Variants in ABHD12 observed in about 807,000 individuals in gnomAD.
ABHD12 encodes the protein lysophosphatidylserine lipase ABHD12.
ABHD12 carries 43 observed loss-of-function variants against 58.3 expected under a neutral mutation model. That is an observed-to-expected ratio of 0.74 (90% CI 0.58 to 0.95). The LOEUF (loss-of-function observed/expected upper bound fraction) is 0.95, where lower values mean the gene tolerates loss of function less well. Ranked by LOEUF, ABHD12 falls within the 40% of genes least tolerant of loss-of-function variation. The pLI is 0.00. For missense variants in ABHD12, 539 were observed against 537.2 expected, an observed-to-expected ratio of 1.00 and a Z score of -0.03; for synonymous variants, 219 against 211.2, an observed-to-expected ratio of 1.04 and a Z score of -0.32.
chr20:25,322,381 A>ATATATATATATGGATATTTTTTTTT, intron 3 of ABHD12, among the ~76,000 whole-genome samples: 1 of 59,284 alleles, frequency 1.7e-5, no homozygotes, highest in South Asian at 5.7e-4. Flanking sequence ...ATATATATAT[A>ATATATATATATGGATATTTTTTTTT]TTTTTTTTTT....
chr20:25,295,739 T>C, downstream of ABHD12: 1 of 1,486,348 alleles, frequency 6.7e-7, no homozygotes, highest in Non-Finnish European at 9.4e-7. Flanking sequence ...TGGGTCAGAT[T>C]GTTTATTTCC....
At chr20:25,371,596 G>A (rs1453864329) in intron 1 of ABHD12, among the ~76,000 whole-genome samples, 5 of 152,108 alleles carry the variant, frequency 3.3e-5, no homozygotes, top group African/African-American at 4.8e-5. Context: ...TAATATTGCC[G>A]GGTTTTTATT....
At chr20:25,356,684 G>A (rs1241194578) in intron 1 of ABHD12, among the ~76,000 whole-genome samples, 1 of 152,230 alleles carries the variant, frequency 6.6e-6, no homozygotes, top group Non-Finnish European at 1.5e-5. Flanking sequence ...GGAGCACCAG[G>A]AGCACTGTGG....
intron 3 of ABHD12, among the ~76,000 whole-genome samples, chr20:25,322,396 T>TTTTTTTTTTTA (rs2089093699): frequency 3.2e-5 from 4 of 123,188 alleles, no homozygotes; most frequent in Non-Finnish European, 7.0e-5. Flanking sequence ...TTTTTTTTTT[T>TTTTTTTTTTTA]GAGACAAGAG....
chr20:25,366,491 C>T (rs530043294), intron 1 of ABHD12, among the ~76,000 whole-genome samples: 1 of 152,222 alleles, frequency 6.6e-6, no homozygotes, highest in Admixed American at 6.5e-5. Context: ...GTCTCGAACT[C>T]CCGACCTCAG....
chr20:25,354,538 T>C (rs1386205464), intron 1 of ABHD12, among the ~76,000 whole-genome samples: 1 of 152,204 alleles, frequency 6.6e-6, no homozygotes, highest in Admixed American at 6.5e-5. Context: ...GTGTTACAGA[T>C]GAAAAGCTGA....
At chr20:25,339,853 T>C (rs2089432083) in intron 1 of ABHD12, 2 of 983,808 alleles carry the variant, frequency 2.0e-6, no homozygotes, top group Admixed American at 3.8e-5. Flanking sequence ...AGCAGGAGGC[T>C]AAGAACTGGC....
At chr20:25,358,215 G>C (rs1194869496) in intron 1 of ABHD12, among the ~76,000 whole-genome samples, 1 of 152,146 alleles carries the variant, frequency 6.6e-6, no homozygotes, top group African/African-American at 2.4e-5. Flanking sequence ...AGGAACAAAA[G>C]TTAGACATAT....
intron 1 of ABHD12, chr20:25,339,622 C>T: frequency 7.0e-7 from 1 of 1,436,696 alleles, no homozygotes; most frequent in South Asian, 1.1e-5. Context: ...TTACACTCAC[C>T]CTTGCAGAAG....
At chr20:25,367,620 C>T (rs936761720) in intron 1 of ABHD12, among the ~76,000 whole-genome samples, 3 of 152,240 alleles carry the variant, frequency 2.0e-5, no homozygotes, top group Admixed American at 1.3e-4. Flanking sequence ...CTTTCTGCTA[C>T]TAGTACCTTG....
intron 1 of ABHD12, among the ~76,000 whole-genome samples, chr20:25,347,196 T>A (rs188730744): frequency 4.7e-4 from 72 of 152,304 alleles, no homozygotes; most frequent in African/African-American, 1.5e-3. Context: ...TATATCATTA[T>A]TTTTACCAGA....
At chr20:25,322,403 A>T (rs2089094150) in intron 3 of ABHD12, among the ~76,000 whole-genome samples, 3 of 86,892 alleles carry the variant, frequency 3.5e-5, no homozygotes, top group Non-Finnish European at 6.5e-5. Context: ...TTTTGAGACA[A>T]GAGTCTCGCT....
intron 1 of ABHD12, among the ~76,000 whole-genome samples, chr20:25,361,587 T>C (rs2089748615): frequency 1.3e-5 from 2 of 151,896 alleles, no homozygotes; most frequent in Admixed American, 6.5e-5. Flanking sequence ...GTTTATCCTG[T>C]TCCATCTTTC....
At chr20:25,377,654 A>G (rs1373991885) in intron 1 of ABHD12, among the ~76,000 whole-genome samples, 1 of 152,144 alleles carries the variant, frequency 6.6e-6, no homozygotes, top group Non-Finnish European at 1.5e-5. Flanking sequence ...ATGAGAGCAA[A>G]GCCCTCATGA....
chr20:25,386,898 A>T (rs1311146670), intron 1 of ABHD12, among the ~76,000 whole-genome samples: 1 of 152,166 alleles, frequency 6.6e-6, no homozygotes, highest in Non-Finnish European at 1.5e-5. Flanking sequence ...AAAAATAAAA[A>T]ATAAATGAAT....
intron 2 of ABHD12, among the ~76,000 whole-genome samples, chr20:25,333,984 A>T (rs1460863260): frequency 6.6e-6 from 1 of 152,214 alleles, no homozygotes; most frequent in Non-Finnish European, 1.5e-5. Flanking sequence ...AAGGAAATAA[A>T]GGGTATTCAA....
At chr20:25,351,504 T>A (rs2089599792) in intron 1 of ABHD12, among the ~76,000 whole-genome samples, 1 of 152,256 alleles carries the variant, frequency 6.6e-6, no homozygotes, top group East Asian at 1.9e-4. Flanking sequence ...GGCTGTGTAC[T>A]GCAGCCTCCT....
intron 3 of ABHD12, among the ~76,000 whole-genome samples, chr20:25,321,855 A>G (rs935736396): frequency 6.6e-6 from 1 of 152,230 alleles, no homozygotes; most frequent in Admixed American, 6.5e-5. Context: ...AAGTGACAAA[A>G]GACTTTAATC....
intron 6 of ABHD12, among the ~76,000 whole-genome samples, chr20:25,314,444 G>A (rs994812553): frequency 2.0e-5 from 3 of 152,118 alleles, no homozygotes; most frequent in African/African-American, 7.2e-5. Context: ...CTGGAAGGCT[G>A]AGGCAGGAGG....
Sources: gnomAD v4.1 joint callset for allele counts (sites outside exome capture counted in the v4.1 genomes callset) on GRCh38, gnomAD v4.1.1 for gene constraint, MANE v1.5 for transcripts, NCBI Gene and HGNC (gene_info 2026-07-23, HGNC 2026-07-21) for gene names.